GRID1: variants seen among roughly 807,000 people sequenced by gnomAD.
GRID1 encodes the protein glutamate receptor ionotropic, delta-1.
Under a neutral mutation model 98.0 loss-of-function variants are expected in GRID1, and 28 were observed. The observed-to-expected ratio is 0.29, with a 90% confidence interval of 0.21 to 0.39. The LOEUF (loss-of-function observed/expected upper bound fraction) is 0.39, where lower values mean the gene tolerates loss of function less well. GRID1 is among the 10% of genes least tolerant of loss of function. The pLI, the probability that GRID1 is intolerant of heterozygous loss-of-function variation, is 1.00. For missense variants in GRID1, 1,111 were observed against 1,340.5 expected (o/e 0.83, Z 2.67); for synonymous variants, 553 against 538.5 (o/e 1.03, Z -0.37).
At chr10:86,173,984 C>T (rs1845534520) in intron 3 of GRID1, among the ~76,000 whole-genome samples, 1 of 152,074 alleles carries the variant, frequency 6.6e-6, no homozygotes, top group African/African-American at 2.4e-5. Flanking sequence ...CATTGTTGGA[C>T]TTCTGGGTTG....
chr10:85,946,757 C>A (rs957413725), intron 4 of GRID1, among the ~76,000 whole-genome samples: 4 of 152,174 alleles, frequency 2.6e-5, no homozygotes, highest in African/African-American at 9.7e-5. Flanking sequence ...GTGATGCCAA[C>A]AAGCCCAGTG....
intron 4 of GRID1, among the ~76,000 whole-genome samples, chr10:86,078,754 C>T (rs1157605356): frequency 2.0e-5 from 3 of 152,234 alleles, no homozygotes; most frequent in African/African-American, 7.2e-5. Context: ...AGGTGTCTGG[C>T]CCCAGCCTTC....
chr10:85,883,241 A>G (rs548819675), intron 5 of GRID1, among the ~76,000 whole-genome samples: 2 of 152,086 alleles, frequency 1.3e-5, no homozygotes, highest in Non-Finnish European at 2.9e-5. Context: ...CAACTGTTAG[A>G]TTCTTAATTT....
chr10:85,828,000 A>C (rs1842834738), intron 8 of GRID1, among the ~76,000 whole-genome samples: 1 of 152,192 alleles, frequency 6.6e-6, no homozygotes. Flanking sequence ...TCATTTGCAC[A>C]TGGCACATAC....
intron 12 of GRID1, 102 bp downstream of exon 12, chr10:85,722,901 A>G: frequency 1.1e-6 from 1 of 913,250 alleles, no homozygotes; most frequent in South Asian, 3.4e-5. Flanking sequence ...CAGTTTGCAG[A>G]TCAGGGCTCT....
chr10:85,813,487 C>G (rs1358676207), intron 8 of GRID1, among the ~76,000 whole-genome samples: 1 of 149,108 alleles, frequency 6.7e-6, no homozygotes, highest in Non-Finnish European at 1.5e-5. Flanking sequence ...ACTGTCAAAC[C>G]AGAATTTTAT....
chr10:85,797,132 T>C (rs949839319), intron 8 of GRID1, among the ~76,000 whole-genome samples: 2 of 152,166 alleles, frequency 1.3e-5, no homozygotes, highest in Non-Finnish European at 2.9e-5. Context: ...AATAGCAGGA[T>C]GATATGGTAT....
intron 8 of GRID1, among the ~76,000 whole-genome samples, chr10:85,737,645 G>GATATATATATATATATATATATAT (rs66947723): frequency 2.0e-3 from 187 of 95,560 alleles, no homozygotes; most frequent in Non-Finnish European, 2.6e-3. Flanking sequence ...AGTAAAGCCA[G>GATATATATATATATATATATATAT]ATATATATAT....
intron 8 of GRID1, among the ~76,000 whole-genome samples, chr10:85,824,026 T>C (rs1289579053): frequency 6.6e-6 from 1 of 152,074 alleles, no homozygotes; most frequent in Non-Finnish European, 1.5e-5. Context: ...CTAAGAACAA[T>C]TGAAAAATTA....
intron 4 of GRID1, among the ~76,000 whole-genome samples, chr10:86,105,261 T>A (rs1481188966): frequency 1.3e-5 from 2 of 151,984 alleles, no homozygotes; most frequent in African/African-American, 2.4e-5. Context: ...AAGAAGACAG[T>A]GAGGGTGGGC....
intron 4 of GRID1, among the ~76,000 whole-genome samples, chr10:86,116,639 A>T (rs1480551489): frequency 1.3e-5 from 2 of 152,178 alleles, no homozygotes; most frequent in African/African-American, 4.8e-5. Flanking sequence ...CACACAAGCA[A>T]AAGGCAACAT....
intron 4 of GRID1, among the ~76,000 whole-genome samples, chr10:85,927,084 G>A (rs1287353124): frequency 6.6e-6 from 1 of 152,160 alleles, no homozygotes; most frequent in African/African-American, 2.4e-5. Flanking sequence ...CAAATGCTCA[G>A]ACCACTTTGG....
intron 4 of GRID1, among the ~76,000 whole-genome samples, chr10:85,969,813 A>G (rs1197743473): frequency 6.6e-6 from 1 of 152,016 alleles, no homozygotes; most frequent in Non-Finnish European, 1.5e-5. Flanking sequence ...ACTAACACCA[A>G]AATAAGGAAA....
At chr10:86,067,896 T>C (rs968036703) in intron 4 of GRID1, among the ~76,000 whole-genome samples, 1 of 152,188 alleles carries the variant, frequency 6.6e-6, no homozygotes. Flanking sequence ...CCCTGCCCCA[T>C]CCTGCTACCT....
At chr10:86,167,436 T>C (rs1490643663) in intron 3 of GRID1, among the ~76,000 whole-genome samples, 1 of 152,072 alleles carries the variant, frequency 6.6e-6, no homozygotes, top group East Asian at 1.9e-4. Flanking sequence ...CCCCAGGAAG[T>C]AGAGGACAGA....
intron 4 of GRID1, among the ~76,000 whole-genome samples, chr10:86,061,855 T>G (rs997142602): frequency 2.0e-5 from 3 of 152,226 alleles, no homozygotes; most frequent in African/African-American, 7.2e-5. Flanking sequence ...GGTTTTGTTT[T>G]GGGCTTTTAG....
chr10:86,016,146 C>CTT (rs34064996), intron 4 of GRID1, among the ~76,000 whole-genome samples: 41 of 132,476 alleles, frequency 3.1e-4, no homozygotes, highest in African/African-American at 3.8e-4. Context: ...AGAGCACCAT[C>CTT]TTTTTTTTTT....
At chr10:86,051,291 T>C (rs985486332) in intron 4 of GRID1, among the ~76,000 whole-genome samples, 9 of 148,982 alleles carry the variant, frequency 6.0e-5, no homozygotes, top group Non-Finnish European at 1.0e-4. Flanking sequence ...ATAAACGGGA[T>C]TTAGATAATT....
At chr10:85,626,930 T>G (rs964200869) in intron 13 of GRID1, among the ~76,000 whole-genome samples, 1 of 152,230 alleles carries the variant, frequency 6.6e-6, no homozygotes, top group African/African-American at 2.4e-5. Flanking sequence ...ATGCAGCGAT[T>G]CTACCCGTGG....
Sources: gnomAD v4.1 joint callset for allele counts (sites outside exome capture counted in the v4.1 genomes callset) on GRCh38, gnomAD v4.1.1 for gene constraint, MANE v1.5 for transcripts, NCBI Gene and HGNC (gene_info 2026-07-23, HGNC 2026-07-21) for gene names.